GALNT13: variants seen among roughly 807,000 people sequenced by gnomAD.
The protein encoded by GALNT13 is UDP-GalNAc:polypeptide N-acetylgalactosaminyltransferase 13.
GALNT13 carries 28 observed loss-of-function variants against 64.2 expected under a neutral mutation model. The observed-to-expected ratio is 0.44, with a 90% CI of 0.32 to 0.60. The LOEUF (loss-of-function observed/expected upper bound fraction) is 0.60, where lower values mean the gene tolerates loss of function less well. Among genes scored for constraint, GALNT13 ranks in the 20% least tolerant of loss-of-function variants. GALNT13 has a pLI of 0.05. For synonymous variants in GALNT13, 214 were observed against 224.6 expected, an observed-to-expected ratio of 0.95 and a Z score of 0.42; for missense variants, 577 against 669.8, an observed-to-expected ratio of 0.86 and a Z score of 1.53.
the GALNT13 span, among the ~76,000 whole-genome samples, chr2:153,321,825 T>C: frequency 2.4e-4 from 37 of 152,238 alleles, no homozygotes; most frequent in African/African-American, 8.7e-4. Flanking sequence ...TAAAATAATG[T>C]CAAATTAAGC....
the GALNT13 span, among the ~76,000 whole-genome samples, chr2:153,713,452 T>C: frequency 6.6e-6 from 1 of 152,140 alleles, no homozygotes; most frequent in Non-Finnish European, 1.5e-5. Context: ...TTTCTACTGG[T>C]GACTCTCATG....
chr2:153,912,313 T>C (rs1481694675), intron 2 of GALNT13, among the ~76,000 whole-genome samples: 2 of 152,224 alleles, frequency 1.3e-5, no homozygotes, highest in African/African-American at 4.8e-5. Context: ...TGTCATTTTA[T>C]TATGATTCTT....
chr2:153,658,266 T>C, the GALNT13 span, among the ~76,000 whole-genome samples: 1 of 152,196 alleles, frequency 6.6e-6, no homozygotes, highest in Non-Finnish European at 1.5e-5. Context: ...ACTGCTTATC[T>C]GAATTCTATT....
chr2:153,559,317 T>A, the GALNT13 span, among the ~76,000 whole-genome samples: 1 of 152,196 alleles, frequency 6.6e-6, no homozygotes, highest in Non-Finnish European at 1.5e-5. Flanking sequence ...GTCTCTTAAG[T>A]GGCTTTACGT....
chr2:153,967,445 C>T (rs1693447443), intron 3 of GALNT13, among the ~76,000 whole-genome samples: 1 of 152,152 alleles, frequency 6.6e-6, no homozygotes, highest in Non-Finnish European at 1.5e-5. Context: ...GCTCTTTCAG[C>T]AGTAGGTGGC....
chr2:153,131,454 G>A, the GALNT13 span, among the ~76,000 whole-genome samples: 39,889 of 151,668 alleles, frequency 0.26, 5,376 homozygotes, highest in East Asian at 0.35. Context: ...TTATATTCAA[G>A]AAGACATCTA....
the GALNT13 span, among the ~76,000 whole-genome samples, chr2:153,777,658 G>A: frequency 2.0e-5 from 3 of 152,146 alleles, no homozygotes; most frequent in Admixed American, 6.5e-5. Flanking sequence ...GGTGTGCAAT[G>A]GGGGTGTGGC....
At chr2:153,234,084 T>C in the GALNT13 span, among the ~76,000 whole-genome samples, 3 of 152,022 alleles carry the variant, frequency 2.0e-5, no homozygotes, top group African/African-American at 7.2e-5. Context: ...TTAAAAAGGG[T>C]TTACTGAATT....
At chr2:154,313,385 ATAT>A (rs1385646864) in intron 9 of GALNT13, among the ~76,000 whole-genome samples, 1 of 145,706 alleles carries the variant, frequency 6.9e-6, no homozygotes, top group Non-Finnish European at 1.5e-5. Flanking sequence ...TATATACACT[ATAT>A]TTATATATGT....
the GALNT13 span, among the ~76,000 whole-genome samples, chr2:153,860,326 A>G: frequency 3.8e-3 from 576 of 152,342 alleles, 5 homozygotes; most frequent in African/African-American, 0.013. Flanking sequence ...TCTCTTTCAT[A>G]TATTAGCCAC....
At chr2:153,529,184 TAAAAAA>T in the GALNT13 span, among the ~76,000 whole-genome samples, 1 of 151,212 alleles carries the variant, frequency 6.6e-6, no homozygotes, top group Non-Finnish European at 1.5e-5. Context: ...CTAGACTAAA[TAAAAAA>T]GAAAAAAATC....
At chr2:153,417,323 CA>C in the GALNT13 span, among the ~76,000 whole-genome samples, 1 of 152,120 alleles carries the variant, frequency 6.6e-6, no homozygotes, top group Admixed American at 6.5e-5. Context: ...CTTGCAGGCC[CA>C]GTCAATTTTC....
At chr2:153,257,297 C>T in the GALNT13 span, among the ~76,000 whole-genome samples, 29 of 152,204 alleles carry the variant, frequency 1.9e-4, no homozygotes, top group African/African-American at 1.4e-4. Context: ...GGCAATGCCT[C>T]GCCCTGCTTC....
intron 1 of GALNT13, among the ~76,000 whole-genome samples, chr2:153,894,238 A>T (rs1022798411): frequency 6.6e-6 from 1 of 152,102 alleles, no homozygotes; most frequent in African/African-American, 2.4e-5. Flanking sequence ...ATCTCTCGAG[A>T]CCCCACTTGA....
chr2:154,181,255 A>G (rs1373287676), intron 4 of GALNT13, among the ~76,000 whole-genome samples: 1 of 152,204 alleles, frequency 6.6e-6, no homozygotes, highest in Non-Finnish European at 1.5e-5. Flanking sequence ...ACTTCGGGGA[A>G]CAGATTTTAG....
At chr2:153,884,276 GA>G (rs61687129) in intron 1 of GALNT13, among the ~76,000 whole-genome samples, 303 of 147,182 alleles carry the variant, frequency 2.1e-3, no homozygotes, top group South Asian at 5.6e-3. Context: ...TAATTTTTTT[GA>G]AAAAAAAAAT....
At chr2:153,080,571 GT>G in the GALNT13 span, among the ~76,000 whole-genome samples, 2 of 151,956 alleles carry the variant, frequency 1.3e-5, no homozygotes, top group African/African-American at 4.8e-5. Context: ...TTTCATAAAT[GT>G]TTTGTTTACC....
chr2:154,329,741 TGTGA>T (rs993896812), intron 9 of GALNT13, among the ~76,000 whole-genome samples: 7 of 151,794 alleles, frequency 4.6e-5, no homozygotes, highest in African/African-American at 1.7e-4. Context: ...AGGGGAGGGG[TGTGA>T]GTGAGTTCTC....
chr2:153,888,539 G>A (rs1202773237), intron 1 of GALNT13, among the ~76,000 whole-genome samples: 1 of 151,818 alleles, frequency 6.6e-6, no homozygotes, highest in Non-Finnish European at 1.5e-5. Flanking sequence ...AATAATGTTG[G>A]GTCCTCATTT....
Sources: allele counts gnomAD v4.1 joint callset (sites outside exome capture counted in the v4.1 genomes callset), GRCh38; gene constraint gnomAD v4.1.1; transcripts MANE v1.5; gene names NCBI Gene and HGNC (gene_info 2026-07-23, HGNC 2026-07-21).